NIM1K: variants seen among roughly 807,000 people sequenced by gnomAD.
NIM1K encodes the protein NIM1 serine/threonine protein kinase.
Under a neutral mutation model 37.1 loss-of-function variants are expected in NIM1K, and 35 were observed. That is an observed-to-expected ratio of 0.94 (90% CI 0.72 to 1.25). The LOEUF is 1.25. Ranked by LOEUF, NIM1K falls within the 50% of genes most tolerant of loss-of-function variation. The pLI, the probability that NIM1K is intolerant of heterozygous loss-of-function variation, is 0.00. For synonymous variants in NIM1K, 234 were observed against 206.6 expected (o/e 1.13, Z -1.14); for missense variants, 564 against 548.0 (o/e 1.03, Z -0.29).
At chr5:43,196,904 C>T (rs1446119485) in intron 1 of NIM1K, among the ~76,000 whole-genome samples, 1 of 146,398 alleles carries the variant, frequency 6.8e-6, no homozygotes, top group Non-Finnish European at 1.5e-5. Flanking sequence ...TCTTGAGTAG[C>T]TGGGGCTATA....
At position 43,280,271 on chromosome 5, in the gene NIM1K, G is replaced by T; in HGVS notation, c.853G>T (p.Glu285Ter). 4 of 1,614,114 alleles carry T rather than the reference G, an allele frequency of 2.5e-6. No homozygotes were observed. The East Asian group carries it at 6.7e-5, about 27-fold the overall frequency. ...GGCCAAACTAAAAAAGAGCATCCTCGAGGGCACATACAGTGTACCGCCGCA... is the reference window on the plus strand; with the variant it reads ...GGCCAAACTAAAAAAGAGCATCCTCTAGGGCACATACAGTGTACCGCCGCA... ...TVAKLKKSIL[E>*]GTYSVPPHVS... Residue 285 changes from glutamate (E) to a stop codon, truncating the protein, a stop_gained, in exon 4 of 4, where the codon GAG becomes TAG. Transcript: ENST00000326035. LOFTEE classifies it high-confidence loss of function.
intron 1 of NIM1K, among the ~76,000 whole-genome samples, chr5:43,233,475 C>A (rs1752571976): frequency 6.6e-6 from 1 of 152,176 alleles, no homozygotes; most frequent in Non-Finnish European, 1.5e-5. Flanking sequence ...GGTTTCAAAT[C>A]CACTTGAACA....
At chr5:43,209,156 C>T (rs1414895363) in intron 1 of NIM1K, among the ~76,000 whole-genome samples, 1 of 152,208 alleles carries the variant, frequency 6.6e-6, no homozygotes, top group Admixed American at 6.5e-5. Flanking sequence ...TCATTTTAAC[C>T]TCAGCAGCCT....
intron 1 of NIM1K, among the ~76,000 whole-genome samples, chr5:43,227,339 A>G (rs1752472241): frequency 6.6e-6 from 1 of 152,212 alleles, no homozygotes; most frequent in South Asian, 2.1e-4. Context: ...CAGCCTGGAG[A>G]CAGAGCGAGA....
At chr5:43,246,812 G>A (rs1019501620) in intron 2 of NIM1K, among the ~76,000 whole-genome samples, 1 of 152,120 alleles carries the variant, frequency 6.6e-6, no homozygotes, top group Admixed American at 6.6e-5. Flanking sequence ...CTGCTGCTCT[G>A]ACCCCACTGT....
chr5:43,207,061 C>T (rs1355497714), intron 1 of NIM1K: 6 of 721,354 alleles, frequency 8.3e-6, no homozygotes, highest in Admixed American at 7.3e-5. Context: ...CAGATATTGG[C>T]CCATTACCTA....
rs183738155 is a variant in NIM1K, at chr5:43,205,458, A to T, written c.-695+13047A>T. Among the ~76,000 whole-genome samples the T allele has an allele frequency of 1.8e-4, 28 of 152,260 alleles. No homozygotes were observed. The East Asian group carries it at 4.3e-3, about 23-fold the overall frequency. ...ACACTACTCTAACACCAACTAAAAC[A>T]ATGGCTACTTCCATCTGGGTGTGAT... is the stretch of plus-strand genomic sequence containing the variant. On this transcript the variant is annotated intron_variant, in intron 1 of 3. Coordinates refer to ENST00000326035, the MANE Select transcript of NIM1K (RefSeq NM_153361.4).
chr5:43,265,677 A>G (rs924845940), intron 2 of NIM1K, among the ~76,000 whole-genome samples: 5 of 152,184 alleles, frequency 3.3e-5, no homozygotes, highest in African/African-American at 4.8e-5. Flanking sequence ...AAGGAGCTGC[A>G]TTCCTTTGGA....
chr5:43,206,802 C>A (rs1752120233), intron 1 of NIM1K: 1 of 768,216 alleles, frequency 1.3e-6, no homozygotes, highest in Non-Finnish European at 2.4e-6. Context: ...TTTCCAGGAT[C>A]AGGGGATGGT....
At chr5:43,252,418 C>T (rs896243255) in intron 2 of NIM1K, among the ~76,000 whole-genome samples, 1 of 152,026 alleles carries the variant, frequency 6.6e-6, no homozygotes, top group Admixed American at 6.6e-5. Flanking sequence ...GCAGTTTGTA[C>T]AAATATGGCC....
intron 2 of NIM1K, among the ~76,000 whole-genome samples, chr5:43,261,492 G>T (rs577683991): frequency 6.6e-6 from 1 of 151,994 alleles, no homozygotes; most frequent in Non-Finnish European, 1.5e-5. Context: ...TGAGTTCTTT[G>T]TAGATTCTGG....
intron 1 of NIM1K, among the ~76,000 whole-genome samples, chr5:43,240,040 A>C (rs1752677157): frequency 6.6e-6 from 1 of 152,000 alleles, no homozygotes; most frequent in South Asian, 2.1e-4. Context: ...GTGGCAACAC[A>C]TTAAATATTT....
chr5:43,254,838 G>T (rs1361164355), intron 2 of NIM1K, among the ~76,000 whole-genome samples: 1 of 152,164 alleles, frequency 6.6e-6, no homozygotes, highest in African/African-American at 2.4e-5. Context: ...TAAGTAGCAT[G>T]GGGGACAGCT....
intron 1 of NIM1K, among the ~76,000 whole-genome samples, chr5:43,238,539 T>C (rs1289479821): frequency 6.6e-6 from 1 of 151,950 alleles, no homozygotes; most frequent in Non-Finnish European, 1.5e-5. Context: ...GCATGGTTTC[T>C]TTCTTTCATT....
intron 1 of NIM1K, among the ~76,000 whole-genome samples, chr5:43,199,205 ATATAT>A (rs1250131072): frequency 0.023 from 1,381 of 59,410 alleles, 94 homozygotes; most frequent in African/African-American, 0.028. Context: ...AAAAAAAAAA[ATATAT>A]ATATATATAT....
chr5:43,232,878 A>G (rs1488235612), intron 1 of NIM1K: 6 of 1,137,436 alleles, frequency 5.3e-6, no homozygotes, highest in Non-Finnish European at 8.0e-6. Context: ...TACTGGAAGC[A>G]TCTTCCTTGC....
At chr5:43,242,987 A>C (rs1295225601) in intron 1 of NIM1K, 3 of 152,210 alleles carry the variant, frequency 2.0e-5, no homozygotes, top group Non-Finnish European at 1.5e-5. Flanking sequence ...TTTTTAGTAG[A>C]GATGGAGTTT....
At chr5:43,198,192 TTTCTTTCTTTCTTTC>T (rs1751953737) in intron 1 of NIM1K, among the ~76,000 whole-genome samples, 2 of 47,370 alleles carry the variant, frequency 4.2e-5, no homozygotes, top group African/African-American at 1.6e-4. Flanking sequence ...TCTTTCTTTC[TTTCTTTCTTTCTTTC>T]TCTTTCTTTC....
intron 2 of NIM1K, among the ~76,000 whole-genome samples, chr5:43,251,342 G>A (rs1229503382): frequency 1.3e-5 from 2 of 152,162 alleles, no homozygotes; most frequent in Non-Finnish European, 2.9e-5. Flanking sequence ...GCTGAAATGG[G>A]AATCATGTTT....
Sources: gnomAD v4.1 joint callset for allele counts (sites outside exome capture counted in the v4.1 genomes callset) on GRCh38, gnomAD v4.1.1 for gene constraint, MANE v1.5 for transcripts, NCBI Gene and HGNC (gene_info 2026-07-23, HGNC 2026-07-21) for gene names.